The following DDX60L variants were observed in gnomAD, a reference collection of about 807,000 sequenced individuals.
The protein encoded by DDX60L is probable ATP-dependent RNA helicase DDX60-like.
In DDX60L, 191 loss-of-function variants were observed where a neutral mutation model predicts 211.6. The ratio of observed to expected loss-of-function variants is 0.90; its 90% confidence interval spans 0.80 to 1.02. The LOEUF (loss-of-function observed/expected upper bound fraction) is 1.02, where lower values mean the gene tolerates loss of function less well. DDX60L is among the 50% of genes least tolerant of loss of function. The probability of loss-of-function intolerance (pLI) is 0.00; values close to 1 mark genes in which losing one functional copy is unlikely to be tolerated. For missense variants in DDX60L, 2,007 were observed against 1,984.1 expected, an observed-to-expected ratio of 1.01 and a Z score of -0.22; for synonymous variants, 706 against 694.1, an observed-to-expected ratio of 1.02 and a Z score of -0.27.
chr4:168,470,847 A>G (rs1561140988), intron 4 of DDX60L: 1 of 284,606 alleles, frequency 3.5e-6, no homozygotes, highest in Non-Finnish European at 6.9e-6. Flanking sequence ...TCTAAAAAAA[A>G]AAAAAGAAAG....
rs867814567 is a variant in DDX60L at position 168,431,985 on chromosome 4, T to C, written c.1516+470A>G. 4.8e-4 allele frequency among the ~76,000 whole-genome samples: 73 copies of C among 152,156 alleles called. 1 individual carries two copies. The highest frequency in any genetic ancestry group is 6.3e-3 in the Middle Eastern group (2 of 316). On this transcript the variant is annotated intron_variant, in intron 12 of 37. Coordinates refer to ENST00000682922, the MANE Select transcript of DDX60L (RefSeq NM_001012967.3). ...AAGAGCTAAAATGTTAGGAAGACTA[T>C]GGCTGTATCAGCATATTTACTTCAA...
chr4:168,419,800 T>C (rs1750184494), intron 18 of DDX60L, among the ~76,000 whole-genome samples: 1 of 152,238 alleles, frequency 6.6e-6, no homozygotes. Flanking sequence ...GGTTGGGTAG[T>C]CATTTAGTAA....
intron 4 of DDX60L, among the ~76,000 whole-genome samples, chr4:168,465,520 T>C (rs1332356487): frequency 6.6e-6 from 1 of 152,170 alleles, no homozygotes. Context: ...TTGTCTACTT[T>C]TGCTTTTGCT....
At chr4:168,407,372 C>T (rs912399173) in intron 22 of DDX60L, among the ~76,000 whole-genome samples, 1 of 152,188 alleles carries the variant, frequency 6.6e-6, no homozygotes, top group African/African-American at 2.4e-5. Flanking sequence ...GTGTGCAAAG[C>T]ACCATGTAGG....
chr4:168,457,458 G>T (rs1470577693), intron 6 of DDX60L, among the ~76,000 whole-genome samples: 1 of 142,418 alleles, frequency 7.0e-6, no homozygotes, highest in Non-Finnish European at 1.5e-5. Context: ...AAAAAAAAAA[G>T]AAAGAGGTGC....
chr4:168,441,617 G>T lies in DDX60L; in HGVS notation c.1139-125C>A, dbSNP rs561510452. 4.3e-5 allele frequency: 31 copies of T among 724,506 alleles called. No homozygotes were observed. The South Asian group carries it at 5.7e-4, about 13-fold the overall frequency. 44.9% of individuals were successfully genotyped at this position (724,506 alleles called of 1,614,324 possible). On this transcript the variant is annotated intron_variant, in intron 9 of 37. Coordinates refer to ENST00000682922, the MANE Select transcript of DDX60L (RefSeq NM_001012967.3). Reference sequence around the variant, plus strand: ...GATCAAATATGGAAACTTACAGTGAGTTACACAATACACTTGCATGAAAAT... The same window carrying T: ...GATCAAATATGGAAACTTACAGTGATTTACACAATACACTTGCATGAAAAT...
chr4:168,457,987 C>G lies in DDX60L; in HGVS notation c.628G>C (p.Ala210Pro), dbSNP rs747347379. 4.5e-5 allele frequency: 69 copies of G among 1,549,502 alleles called. No individual in the cohort carries two copies. Among genetic ancestry groups the G allele is most frequent in the Non-Finnish European group, 6.0e-5 (68 of 1,142,026 alleles). The change falls in exon 6 of 38, where the codon GCA (alanine) becomes CCA (proline). Residue 210 changes from alanine to proline, a missense_variant. Ala to Pro is a conservative substitution (Grantham distance 27, BLOSUM62 -1). Coordinates refer to ENST00000682922, the MANE Select transcript of DDX60L (RefSeq NM_001012967.3). ...SKENETVIQSAYKSLIQHLEE... is the reference protein window; with the variant it reads ...SKENETVIQSPYKSLIQHLEE... ...AAGTGTTGTATGAGGCTTTTATATG[C>G]ACTCTGAATCACTGTTTCATTCTGT...
chr4:168,384,624 A>G lies in DDX60L; in HGVS notation c.4104T>C (p.Asp1368=). The part of the protein sequence containing the change: ...LLASKGDDPE[D]AKAKVLSVLK... ...TCCAGCACGGTACCTTTGCCTTGGC[A>G]TCCTCTGGGTCATCTCCCTTGGAAG... Residue 1368 remains aspartate (D), a synonymous_variant, in exon 30 of 38, where the codon GAT becomes GAC. Transcript: ENST00000682922. The G allele has an allele frequency of 6.2e-7, 1 of 1,613,956 alleles. No individual in the cohort carries two copies. The highest frequency in any genetic ancestry group is 8.5e-7 in the Non-Finnish European group (1 of 1,179,942).
chr4:168,381,420 T>C (rs944039962), intron 30 of DDX60L, among the ~76,000 whole-genome samples: 13 of 152,086 alleles, frequency 8.5e-5, no homozygotes, highest in African/African-American at 2.7e-4. Context: ...ACTACAGGTA[T>C]ATGCCACCAT....
At chr4:168,359,950 T>A (rs1374315263) in intron 37 of DDX60L, among the ~76,000 whole-genome samples, 2 of 152,208 alleles carry the variant, frequency 1.3e-5, no homozygotes, top group East Asian at 1.9e-4. Flanking sequence ...CTGACTACCC[T>A]AATTATTCTA....
At chr4:168,419,463 T>C (rs1340975356) in intron 18 of DDX60L, 66 bp from the exon 19 acceptor site, 1 of 1,156,630 alleles carries the variant, frequency 8.6e-7, no homozygotes, top group Non-Finnish European at 1.2e-6. Context: ...GGCATAGTAA[T>C]AGGAACCTAG....
chr4:168,460,083 T>A (rs1031870202), intron 5 of DDX60L, among the ~76,000 whole-genome samples: 5 of 152,106 alleles, frequency 3.3e-5, no homozygotes, highest in Non-Finnish European at 5.9e-5. Context: ...AGGACAGAGA[T>A]CTGCTATAAA....
chr4:168,393,303 G>A (rs999650049), intron 28 of DDX60L, among the ~76,000 whole-genome samples: 5 of 151,990 alleles, frequency 3.3e-5, no homozygotes, highest in African/African-American at 7.2e-5. Flanking sequence ...TGAGACCAGC[G>A]TGGCCAACAT....
chr4:168,401,014 A>T, intron 25 of DDX60L, 36 bp from the exon 26 acceptor site: 1 of 1,246,538 alleles, frequency 8.0e-7, no homozygotes, highest in Non-Finnish European at 1.1e-6. Context: ...TGAAAAGACT[A>T]TGTTTCTATC....
rs184410746 is a variant in DDX60L, at chr4:168,393,830, G to A, written c.3810+635C>T. 3.3e-5 allele frequency among the ~76,000 whole-genome samples: 5 copies of A among 152,258 alleles called. No homozygotes were observed. In the South Asian group the frequency reaches 8.3e-4, roughly 25 times the overall value. On this transcript the variant is annotated intron_variant, in intron 28 of 37. Coordinates refer to ENST00000682922, the MANE Select transcript of DDX60L (RefSeq NM_001012967.3). Reference sequence around the variant, plus strand: ...AAATGTATAGTCATTTATACTAAATGTATAAATATCCTTATGAGCTGTCTA... The same window carrying A: ...AAATGTATAGTCATTTATACTAAATATATAAATATCCTTATGAGCTGTCTA...
chr4:168,360,185 C>T (rs1343962127), intron 37 of DDX60L, among the ~76,000 whole-genome samples: 1 of 152,196 alleles, frequency 6.6e-6, no homozygotes, highest in African/African-American at 2.4e-5. Context: ...TCTCCCATGA[C>T]ATTGAAGTGC....
chr4:168,411,441 T>C (rs1748660344), intron 22 of DDX60L, among the ~76,000 whole-genome samples: 1 of 152,134 alleles, frequency 6.6e-6, no homozygotes, highest in South Asian at 2.1e-4. Flanking sequence ...ACTGGGACTT[T>C]GCATTAGAAT....
chr4:168,472,836 C>T, intron 1 of DDX60L, 27 bp from the exon 2 acceptor site: 1 of 892,450 alleles, frequency 1.1e-6, no homozygotes, highest in East Asian at 2.5e-5. Flanking sequence ...AATAGAACTG[C>T]AGTTATTCCT....
In DDX60L at chr4:168,396,134, A is replaced by T. The variant is rs1380670820; in HGVS notation, c.3492-10T>A. ...TGGGTTTTTTTTAGTGCTACTATTT[A>T]AAAAAAAAAAAAAACTTTTAAGTAA... On this transcript the variant is annotated splice_polypyrimidine_tract_variant and intron_variant, in intron 26 of 37. Coordinates refer to ENST00000682922, the MANE Select transcript of DDX60L (RefSeq NM_001012967.3). 2.3e-5 allele frequency: 16 copies of T among 699,674 alleles called. 1 individual carries two copies. Among genetic ancestry groups the T allele is most frequent in the South Asian group, 1.2e-4 (4 of 33,218 alleles). The allele number at this position is 699,674 out of a possible 1,614,324, so 43.3% of individuals were successfully genotyped here.
Sources: gnomAD v4.1 joint callset for allele counts (sites outside exome capture counted in the v4.1 genomes callset) on GRCh38, gnomAD v4.1.1 for gene constraint, MANE v1.5 for transcripts, NCBI Gene and HGNC (gene_info 2026-07-23, HGNC 2026-07-21) for gene names.